Variants in TNFSF18 observed in about 807,000 individuals in gnomAD.
The protein encoded by TNFSF18 is tumor necrosis factor ligand superfamily member 18.
TNFSF18 carries 6 observed loss-of-function variants against 9.6 expected under a neutral mutation model. That is an observed-to-expected ratio of 0.63 (90% CI 0.34 to 1.24). The LOEUF (loss-of-function observed/expected upper bound fraction) is 1.24. TNFSF18 is among the 50% of genes most tolerant of loss of function. The pLI is 0.03. For synonymous variants in TNFSF18, 68 were observed against 71.7 expected, an observed-to-expected ratio of 0.95 and a Z score of 0.26; for missense variants, 210 against 201.0, an observed-to-expected ratio of 1.04 and a Z score of -0.27.
intron 2 of TNFSF18, among the ~76,000 whole-genome samples, 185 bp from the exon 3 acceptor site, chr1:173,041,898 C>A (rs1321024477): frequency 2.6e-5 from 4 of 152,032 alleles, no homozygotes; most frequent in Non-Finnish European, 4.4e-5. Context: ...AGAGAAATTG[C>A]AAATCCAAAG....
In TNFSF18 at chr1:173,050,784, A is replaced by C. The variant is rs1665156919; in HGVS notation, c.113T>G (p.Leu38Arg). 1 of 1,612,508 alleles carries C rather than the reference A, an allele frequency of 6.2e-7. No individual in the cohort carries two copies. Among genetic ancestry groups the C allele is most frequent in the Non-Finnish European group, 8.5e-7 (1 of 1,179,316 alleles). ...AAAGATTAGCCAACTGAAGGAGCAA[A>C]GAAATAGCAACATAACTATTGAGCA... The part of the protein sequence containing the change: ...LFCSIVMLLF[L>R]CSFSWLIFIF... The change falls in exon 1 of 3, where the codon CTT (leucine) becomes CGT (arginine). Residue 38 changes from leucine (L) to arginine (R), a missense_variant. Leu to Arg is a moderately radical substitution (Grantham distance 102). Transcript: ENST00000404377.
intron 1 of TNFSF18, 114 bp from the exon 2 acceptor site, chr1:173,044,083 A>T: frequency 1.0e-6 from 1 of 985,178 alleles, no homozygotes; most frequent in South Asian, 1.4e-5. Flanking sequence ...CTATAACCAT[A>T]AAAAAAATCC....
chr1:173,040,884 G>C lies in TNFSF18; in HGVS notation c.*483C>G, dbSNP rs1012949134. Reference sequence around the variant, plus strand: ...TTCTAACACCACCATATCTAAAGTAGGGTATGGTAGGCATATCTGTGGCCA... The same window carrying C: ...TTCTAACACCACCATATCTAAAGTACGGTATGGTAGGCATATCTGTGGCCA... On this transcript the variant is annotated 3_prime_UTR_variant, in exon 3 of 3. Coordinates refer to ENST00000404377, the MANE Select transcript of TNFSF18 (RefSeq NM_005092.4). 2.0e-5 allele frequency: 3 copies of C among 152,808 alleles called. No individual in the cohort carries two copies. The highest frequency in any genetic ancestry group is 7.2e-5 in the African/African-American group (3 of 41,444). 9.5% of individuals were successfully genotyped at this position (152,808 alleles called of 1,614,324 possible). A position where few individuals can be genotyped will look rare whatever the true frequency, so the allele number is the denominator to read the frequency against.
intron 1 of TNFSF18, among the ~76,000 whole-genome samples, chr1:173,050,108 C>A (rs1665145577): frequency 6.6e-6 from 1 of 152,130 alleles, no homozygotes; most frequent in African/African-American, 2.4e-5. Flanking sequence ...TAAATAAATT[C>A]TTGATCATGA....
In TNFSF18 at chr1:173,040,867, C is replaced by A. The variant is rs533223627; in HGVS notation, c.*500G>T. ...TCAGATTGTTCTTTATCTTCTAACA[C>A]CACCATATCTAAAGTAGGGTATGGT... On this transcript the variant is annotated 3_prime_UTR_variant, in exon 3 of 3. Coordinates refer to ENST00000404377, the MANE Select transcript of TNFSF18 (RefSeq NM_005092.4). 5 of 152,478 alleles carry A rather than the reference C, an allele frequency of 3.3e-5. No individual in the cohort carries two copies. The highest frequency in any genetic ancestry group is 9.7e-5 in the African/African-American group (4 of 41,440). 9.4% of individuals were successfully genotyped at this position (152,478 alleles called of 1,614,324 possible).
At chr1:173,042,617 A>G (rs1195117875) in intron 2 of TNFSF18, among the ~76,000 whole-genome samples, 5 of 152,186 alleles carry the variant, frequency 3.3e-5, no homozygotes, top group African/African-American at 1.2e-4. Flanking sequence ...ATGGTAAAGA[A>G]AAGGTAAAGA....
chr1:173,043,503 A>C (rs926740408), intron 2 of TNFSF18, among the ~76,000 whole-genome samples: 3 of 152,118 alleles, frequency 2.0e-5, no homozygotes, highest in Non-Finnish European at 4.4e-5. Flanking sequence ...CACTTTTCCA[A>C]CTCTCATTGC....
intron 1 of TNFSF18, among the ~76,000 whole-genome samples, chr1:173,044,452 A>G (rs1665047437): frequency 6.6e-6 from 1 of 152,208 alleles, no homozygotes; most frequent in South Asian, 2.1e-4. Flanking sequence ...CATGTATAAT[A>G]TTCAGATAAC....
intron 1 of TNFSF18, among the ~76,000 whole-genome samples, chr1:173,045,160 T>C (rs1466551007): frequency 6.6e-6 from 1 of 152,038 alleles, no homozygotes; most frequent in Non-Finnish European, 1.5e-5. Context: ...CATTTAAGAG[T>C]CTTAAGCTCA....
rs920152562 is a variant in TNFSF18, at chr1:173,041,494, A to C, written c.407T>G (p.Val136Gly). ...AACATGCAATTCATAAGTCCCTCCT[A>C]CATTTTGGATTTTAGATTTGTTTGT... is the stretch of plus-strand genomic sequence containing the variant. ...TLTNKSKIQN[V>G]GGTYELHVGD... Residue 136 changes from valine to glycine, a missense_variant, in exon 3 of 3, where the codon GTA (valine) becomes GGA (glycine). Val to Gly is a moderately radical substitution (Grantham distance 109). Transcript: ENST00000404377. 6.2e-7 allele frequency: 1 copy of C among 1,613,516 alleles called. No homozygotes were observed. Among genetic ancestry groups the C allele is most frequent in the Non-Finnish European group, 8.5e-7 (1 of 1,179,664 alleles).
chr1:173,048,611 G>C (rs543207467), intron 1 of TNFSF18, among the ~76,000 whole-genome samples: 2 of 152,116 alleles, frequency 1.3e-5, no homozygotes, highest in South Asian at 4.2e-4. Flanking sequence ...TCAAAGAAGA[G>C]AGAAAAAAAG....
intron 2 of TNFSF18, 98 bp from the exon 3 acceptor site, chr1:173,041,811 T>G: frequency 1.0e-6 from 1 of 976,314 alleles, no homozygotes; most frequent in Non-Finnish European, 1.4e-6. Context: ...ACATACATGT[T>G]GTTTCTTTAC....
rs566261318 is a variant in TNFSF18 at position 173,043,620 on chromosome 1, G to A, written c.187+319C>T. 2.6e-5 allele frequency among the ~76,000 whole-genome samples: 4 copies of A among 152,304 alleles called. No individual in the cohort carries two copies. The South Asian group carries it at 8.3e-4, about 32-fold the overall frequency. On this transcript the variant is annotated intron_variant, in intron 2 of 2. Transcript: ENST00000404377. ...CTTTAAGGAAAGGTTGTAGAAATCTGAAACTTGTTGTGTTTATTAAAACAC... is the reference window on the plus strand; with the variant it reads ...CTTTAAGGAAAGGTTGTAGAAATCTAAAACTTGTTGTGTTTATTAAAACAC...
intron 2 of TNFSF18, 109 bp from the exon 3 acceptor site, chr1:173,041,822 C>CTCCG: frequency 2.3e-6 from 2 of 872,602 alleles, no homozygotes; most frequent in South Asian, 2.5e-5. Context: ...GTTTCTTTAC[C>CTCCG]TGATCTACAC....
chr1:173,040,433 G>A lies in TNFSF18; in HGVS notation c.*934C>T, dbSNP rs1664971517. On this transcript the variant is annotated 3_prime_UTR_variant, in exon 3 of 3. Coordinates refer to ENST00000404377, the MANE Select transcript of TNFSF18 (RefSeq NM_005092.4). ...CTTGTAGTCACTTGTCCTATGAGTT[G>A]AGGAAAGTTGGCTATGCTATGCTAT... is the stretch of plus-strand genomic sequence containing the variant. The A allele has an allele frequency of 6.6e-6, 1 of 152,152 alleles. No individual in the cohort carries two copies. The highest frequency in any genetic ancestry group is 6.6e-5 in the Admixed American group (1 of 15,260). The allele number at this position is 152,152 out of a possible 1,614,324, so 9.4% of individuals were successfully genotyped here.
At chr1:173,050,040 C>T (rs1021969353) in intron 1 of TNFSF18, among the ~76,000 whole-genome samples, 2 of 152,162 alleles carry the variant, frequency 1.3e-5, no homozygotes, top group Non-Finnish European at 2.9e-5. Context: ...TCAACTCAAT[C>T]TAAAGTCATT....
intron 1 of TNFSF18, among the ~76,000 whole-genome samples, chr1:173,046,873 G>GT (rs869068788): frequency 3.1e-4 from 43 of 137,958 alleles, no homozygotes; most frequent in South Asian, 6.2e-4. Flanking sequence ...CCCTACACTT[G>GT]TTTTTTTTTG....
chr1:173,049,233 G>C (rs890476503), intron 1 of TNFSF18, among the ~76,000 whole-genome samples: 17 of 152,136 alleles, frequency 1.1e-4, no homozygotes, highest in Admixed American at 9.2e-4. Context: ...AAAGGCTTCT[G>C]TGTATTCATT....
Position 173,041,406 on chromosome 1 carries a change from C to G in TNFSF18, c.495G>C (p.Trp165Cys), listed in dbSNP as rs1316275274. ...EHQVLKNNTY[W>C]GIILLANPQF... ...GGGGATTTGCTAGTAAAATGATACC[C>G]CAGTATGTATTATTTTTTAGAACCT... Residue 165 changes from tryptophan (W) to cysteine (C), a missense_variant, in exon 3 of 3, where the codon TGG (tryptophan) becomes TGC (cysteine). Transcript: ENST00000404377. The G allele has an allele frequency of 3.1e-6, 5 of 1,612,674 alleles. 1 individual carries two copies. In the Middle Eastern group the frequency reaches 6.6e-4, roughly 213 times the overall value.
Sources: gnomAD v4.1 joint callset for allele counts (sites outside exome capture counted in the v4.1 genomes callset) on GRCh38, gnomAD v4.1.1 for gene constraint, MANE v1.5 for transcripts, NCBI Gene and HGNC (gene_info 2026-07-23, HGNC 2026-07-21) for gene names.